GARIN1A: variants seen among roughly 807,000 people sequenced by gnomAD.
GARIN1A encodes the protein Golgi-associated RAB2 interactor protein 1A.
chr7:128,683,125 C>A, the GARIN1A span: 1 of 1,612,262 alleles, frequency 6.2e-7, no homozygotes, highest in Non-Finnish European at 8.5e-7. Flanking sequence ...GTTCATATAG[C>A]CAGTTACCTA....
the GARIN1A span, among the ~76,000 whole-genome samples, chr7:128,674,430 T>C: frequency 2.0e-5 from 3 of 152,216 alleles, no homozygotes; most frequent in African/African-American, 7.2e-5. Flanking sequence ...CAGTCCAAAG[T>C]TTACTTGAAG....
chr7:128,678,080 G>A, the GARIN1A span: 1 of 229,572 alleles, frequency 4.4e-6, no homozygotes, highest in Non-Finnish European at 8.4e-6. Context: ...GAGTGCAATG[G>A]CGCGATCTCG....
the GARIN1A span, among the ~76,000 whole-genome samples, chr7:128,674,742 G>T: frequency 2.0e-5 from 3 of 152,092 alleles, no homozygotes; most frequent in Non-Finnish European, 4.4e-5. Context: ...CATCCCTGGG[G>T]CTTTCCCTCA....
the GARIN1A span, among the ~76,000 whole-genome samples, chr7:128,695,459 A>T: frequency 6.6e-6 from 1 of 152,222 alleles, no homozygotes; most frequent in Non-Finnish European, 1.5e-5. The surrounding 1 kb of genome is among the most constrained non-coding windows in gnomAD (Gnocchi z 4.5). Context: ...GGAGGTCTGA[A>T]TACAGCATCT....
the GARIN1A span, among the ~76,000 whole-genome samples, chr7:128,682,765 C>T: frequency 6.6e-5 from 10 of 152,108 alleles, no homozygotes; most frequent in Non-Finnish European, 1.3e-4. Flanking sequence ...TTAGTACAGA[C>T]GGGGTTTCAC....
At chr7:128,680,506 A>G in the GARIN1A span, among the ~76,000 whole-genome samples, 3 of 151,816 alleles carry the variant, frequency 2.0e-5, no homozygotes, top group Non-Finnish European at 4.4e-5. Context: ...GTAAAACCCT[A>G]GTTCTCTTTG....
At chr7:128,699,001 G>T in the GARIN1A span, among the ~76,000 whole-genome samples, 1 of 152,086 alleles carries the variant, frequency 6.6e-6, no homozygotes, top group African/African-American at 2.4e-5. Context: ...TTGACTTCTC[G>T]TGAGGGCTCT....
the GARIN1A span, among the ~76,000 whole-genome samples, chr7:128,672,899 G>T: frequency 3.9e-5 from 6 of 152,316 alleles, no homozygotes; most frequent in Admixed American, 2.0e-4. Flanking sequence ...TAGAAACTCT[G>T]CTCTGAAATC....
the GARIN1A span, chr7:128,690,748 C>G: frequency 6.6e-6 from 1 of 152,032 alleles, no homozygotes; most frequent in African/African-American, 2.4e-5. Context: ...AAACACGGCT[C>G]CAGGAAAGTG....
chr7:128,695,126 A>G, the GARIN1A span, among the ~76,000 whole-genome samples: 35 of 152,196 alleles, frequency 2.3e-4, no homozygotes, highest in Non-Finnish European at 1.3e-4. This position sits in a 1 kb window ranked among gnomAD's most constrained non-coding sequence, Gnocchi z 4.5. Context: ...TTGCAGGCCA[A>G]ACCAAGTCTT....
the GARIN1A span, chr7:128,682,820 G>A: frequency 3.7e-4 from 207 of 554,918 alleles, 1 homozygote; most frequent in South Asian, 1.8e-3. Flanking sequence ...CAAGTGATCC[G>A]CCCACCTCGG....
At chr7:128,707,768 G>A in the GARIN1A span, among the ~76,000 whole-genome samples, 1 of 152,134 alleles carries the variant, frequency 6.6e-6, no homozygotes, top group Non-Finnish European at 1.5e-5. Context: ...TTTTGATTCT[G>A]TGTATAAGTG....
the GARIN1A span, among the ~76,000 whole-genome samples, chr7:128,680,479 T>G: frequency 1.4e-4 from 22 of 152,112 alleles, no homozygotes; most frequent in Non-Finnish European, 2.4e-4. Context: ...CAATCCAAGC[T>G]CACAAGGATC....
At chr7:128,673,486 C>G in the GARIN1A span, among the ~76,000 whole-genome samples, 1 of 152,102 alleles carries the variant, frequency 6.6e-6, no homozygotes, top group East Asian at 1.9e-4. Flanking sequence ...GGGAGGATAT[C>G]CCAGACAGAG....
At chr7:128,707,718 A>C in the GARIN1A span, among the ~76,000 whole-genome samples, 1 of 151,872 alleles carries the variant, frequency 6.6e-6, no homozygotes, top group Admixed American at 6.6e-5. Context: ...CTCCCAAAGT[A>C]CTGGGATTAC....
At chr7:128,685,274 T>G in the GARIN1A span, 1 of 152,216 alleles carries the variant, frequency 6.6e-6, no homozygotes, top group African/African-American at 2.4e-5. Context: ...CGTTTGACGC[T>G]AAGTATATTG....
chr7:128,683,943 A>C, the GARIN1A span: 1 of 152,402 alleles, frequency 6.6e-6, no homozygotes, highest in Non-Finnish European at 1.5e-5. Context: ...GGGAGGTGCT[A>C]TGCACTTTTA....
At chr7:128,686,948 A>T in the GARIN1A span, 9 of 151,946 alleles carry the variant, frequency 5.9e-5, no homozygotes, top group Admixed American at 5.9e-4. Flanking sequence ...AAATGACTAG[A>T]CCCCTGCCTC....
the GARIN1A span, chr7:128,684,685 G>A: frequency 6.6e-6 from 1 of 151,230 alleles, no homozygotes; most frequent in East Asian, 1.9e-4. Flanking sequence ...AGCTATGAAG[G>A]CTCCCCTGGC....
Sources: allele counts gnomAD v4.1 joint callset (sites outside exome capture counted in the v4.1 genomes callset), GRCh38; gene constraint gnomAD v4.1.1; non-coding constraint Gnocchi (gnomAD v3.1); transcripts MANE v1.5; gene names NCBI Gene and HGNC (gene_info 2026-07-23, HGNC 2026-07-21).